ICE1: variants seen among roughly 807,000 people sequenced by gnomAD.
ICE1 encodes the protein little elongation complex subunit 1.
Under a neutral mutation model 192.7 loss-of-function variants are expected in ICE1, and 64 were observed. That is an observed-to-expected ratio of 0.33 (90% CI 0.27 to 0.41). The LOEUF (loss-of-function observed/expected upper bound fraction) is 0.41, where lower values mean the gene tolerates loss of function less well. Among genes scored for constraint, ICE1 ranks in the 10% least tolerant of loss-of-function variants. The pLI is 1.00. For synonymous variants in ICE1, 1,010 were observed against 984.5 expected (o/e 1.03, Z -0.49); for missense variants, 2,708 against 2,696.0 (o/e 1.00, Z -0.10).
chr5:5,456,588 T>A (rs1305074441), intron 11 of ICE1, among the ~76,000 whole-genome samples: 1 of 152,206 alleles, frequency 6.6e-6, no homozygotes, highest in Admixed American at 6.5e-5. Flanking sequence ...TACTCCATTT[T>A]TTTTTGAGTT....
At chr5:5,483,084 A>T (rs995725834) in intron 17 of ICE1, among the ~76,000 whole-genome samples, 1 of 151,994 alleles carries the variant, frequency 6.6e-6, no homozygotes, top group Non-Finnish European at 1.5e-5. Flanking sequence ...TCCACCTCCC[A>T]GGTTCAAGCG....
intron 1 of ICE1, among the ~76,000 whole-genome samples, chr5:5,424,541 C>T (rs767395412): frequency 3.9e-5 from 6 of 152,244 alleles, no homozygotes; most frequent in Admixed American, 2.0e-4. Context: ...GACAAAAATT[C>T]TTGATCTCTT....
intron 1 of ICE1, among the ~76,000 whole-genome samples, chr5:5,427,300 A>C (rs1260505878): frequency 6.6e-6 from 1 of 152,212 alleles, no homozygotes; most frequent in Non-Finnish European, 1.5e-5. Context: ...GAACTTTGGC[A>C]GTCAGATATA....
rs1034054340 is a variant in ICE1 at position 5,428,367 on chromosome 5, C to T, written c.84+5368C>T. Among the ~76,000 whole-genome samples, 8 of 152,260 alleles carry T rather than the reference C, an allele frequency of 5.3e-5. No individual in the cohort carries two copies. In the East Asian group the frequency reaches 1.5e-3, roughly 29 times the overall value. On this transcript the variant is annotated intron_variant, in intron 1 of 18. Transcript: ENST00000296564. ...AAGAGCAGTTAGTAAACAGCAAGCA[C>T]ACCAGGAATAAGTGGTTTATCAGAG...
rs1738775362 is a variant in ICE1, at chr5:5,461,423, A to G, written c.2089A>G (p.Asn697Asp). ...GCCACCGGAGTGTTCTATAGGAGGA[A>G]ACAACTTGGAGAATAGCTTGTGTGC... ...SEPPECSIGG[N>D]NLENSLCALS... Residue 697 changes from asparagine (N) to aspartate (D), a missense_variant, in exon 13 of 19, where the codon AAC becomes GAC. Coordinates refer to ENST00000296564, the MANE Select transcript of ICE1 (RefSeq NM_015325.3). 3.7e-6 allele frequency: 6 copies of G among 1,614,020 alleles called. No individual in the cohort carries two copies. Among genetic ancestry groups the G allele is most frequent in the Middle Eastern group, 1.6e-4 (1 of 6,062 alleles).
At chr5:5,445,789 G>A (rs942263512) in intron 7 of ICE1, among the ~76,000 whole-genome samples, 1 of 151,722 alleles carries the variant, frequency 6.6e-6, no homozygotes, top group Admixed American at 6.6e-5. Flanking sequence ...CTGGAGTGCA[G>A]TGGCGTGATC....
intron 17 of ICE1, among the ~76,000 whole-genome samples, chr5:5,483,293 G>T (rs1371829831): frequency 6.6e-6 from 1 of 152,116 alleles, no homozygotes; most frequent in African/African-American, 2.4e-5. Context: ...ACCATGCCCG[G>T]CCACTGTCTA....
chr5:5,468,683 C>A, intron 14 of ICE1, 145 bp from the exon 15 acceptor site: 1 of 476,726 alleles, frequency 2.1e-6, no homozygotes, highest in Non-Finnish European at 3.6e-6. Context: ...GTGACTGGAG[C>A]CTCATCTGGG....
intron 12 of ICE1, among the ~76,000 whole-genome samples, chr5:5,458,834 A>C (rs1376640007): frequency 1.3e-5 from 2 of 152,194 alleles, no homozygotes; most frequent in African/African-American, 4.8e-5. Context: ...AGACAAGACC[A>C]CAGGCAGGGT....
rs993126874 is a variant in ICE1 at position 5,447,888 on chromosome 5, A to G, written c.595A>G (p.Ile199Val). 12 of 1,569,694 alleles carry G rather than the reference A, an allele frequency of 7.6e-6. No homozygotes were observed. Among genetic ancestry groups the G allele is most frequent in the South Asian group, 1.2e-5 (1 of 85,860 alleles). ...AATTTCAAGTGATTCATATGGAAGC[A>G]TAGATAAAAGTGAGTATATTGCAAC... Reference protein sequence around the residue: ...TQISSDSYGSIDKRKVKLLLK... With the variant: ...TQISSDSYGSVDKRKVKLLLK... The change falls in exon 10 of 19, where the codon ATA (isoleucine) becomes GTA (valine). Residue 199 changes from isoleucine to valine, a missense_variant. Physicochemically the swap from Ile to Val is conservative, Grantham distance 29. This residue lies in a region of ICE1 where 2,366 missense variants were observed against 2,276.6 expected (regional missense o/e 1.04). Transcript: ENST00000296564.
Position 5,447,524 on chromosome 5 carries a change from C to A in ICE1, c.507+15C>A. On this transcript the variant is annotated intron_variant, in intron 8 of 18. Coordinates refer to ENST00000296564, the MANE Select transcript of ICE1 (RefSeq NM_015325.3). ...AGAAGACACAGGTACTAGATAAAAG[C>A]AGCATACACACACCTTAAATACGTG... The A allele has an allele frequency of 6.6e-7, 1 of 1,524,750 alleles. No homozygotes were observed. The highest frequency in any genetic ancestry group is 8.9e-7 in the Non-Finnish European group (1 of 1,123,568). 94.5% of individuals were successfully genotyped at this position (1,524,750 alleles called of 1,614,324 possible).
intron 17 of ICE1, among the ~76,000 whole-genome samples, chr5:5,476,834 A>G (rs1739329075): frequency 6.6e-6 from 1 of 152,112 alleles, no homozygotes; most frequent in Non-Finnish European, 1.5e-5. Flanking sequence ...TGTATCGAGG[A>G]TATCTTCACA....
intron 17 of ICE1, among the ~76,000 whole-genome samples, chr5:5,480,249 C>CTTTTTTT (rs574170460): frequency 5.7e-4 from 74 of 129,850 alleles, no homozygotes; most frequent in East Asian, 2.8e-3. Context: ...TTTTCTTTTT[C>CTTTTTTT]TTTTTTTTTT....
In ICE1 at chr5:5,463,022, G is replaced by A. The variant is rs1420976943; in HGVS notation, c.3688G>A (p.Gly1230Arg). ...RKQPCEEETLGTCEEWIESEE... is the reference protein window; with the variant it reads ...RKQPCEEETLRTCEEWIESEE... ...GCAACCCTGTGAGGAAGAAACACTTGGAACCTGTGAAGAGTGGATTGAATC... is the reference window on the plus strand; with the variant it reads ...GCAACCCTGTGAGGAAGAAACACTTAGAACCTGTGAAGAGTGGATTGAATC... Residue 1230 changes from glycine to arginine, a missense_variant, in exon 13 of 19, where the codon GGA (glycine) becomes AGA (arginine). Around this residue, in one of 2 missense-constraint regions of ICE1, gnomAD observed 2,366 missense variants for 2,276.6 expected, o/e 1.04. Coordinates refer to ENST00000296564, the MANE Select transcript of ICE1 (RefSeq NM_015325.3). The A allele has an allele frequency of 6.2e-7, 1 of 1,613,838 alleles. No homozygotes were observed. Among genetic ancestry groups the A allele is most frequent in the Non-Finnish European group, 8.5e-7 (1 of 1,179,858 alleles).
At position 5,461,253 on chromosome 5, in the gene ICE1, C is replaced by A; in HGVS notation, c.1919C>A (p.Ser640Tyr). 6.2e-7 allele frequency: 1 copy of A among 1,613,970 alleles called. No homozygotes were observed. The highest frequency in any genetic ancestry group is 1.6e-4 in the Middle Eastern group (1 of 6,062). ...TCCTCTTCTACCTTGGTAGCATTGT[C>A]TGTTGGCAGTAATCCCCAGTCTTCT... ...FSSSSTLVAL[S>Y]VGSNPQSSSG... The change falls in exon 13 of 19, where the codon TCT becomes TAT. Residue 640 changes from serine to tyrosine, a missense_variant. This residue lies in a region of ICE1 where 2,366 missense variants were observed against 2,276.6 expected (regional missense o/e 1.04). Transcript: ENST00000296564.
intron 1 of ICE1, among the ~76,000 whole-genome samples, chr5:5,430,749 A>T (rs1443113638): frequency 6.6e-6 from 1 of 152,176 alleles, no homozygotes; most frequent in East Asian, 1.9e-4. Flanking sequence ...TGTTCAGTAT[A>T]GTTATGATTT....
At position 5,464,995 on chromosome 5, in the gene ICE1, A is replaced by C. The variant is rs1004085216; in HGVS notation, c.5661A>C (p.Arg1887Ser). ...AAGTTGCAACAACAAATGAGGAAAGAAGTTGTTCTAGTCCAGCCGTCAGTG... is the reference window on the plus strand; with the variant it reads ...AAGTTGCAACAACAAATGAGGAAAGCAGTTGTTCTAGTCCAGCCGTCAGTG... ...PAEVATTNEE[R>S]SCSSPAVSAV... The change falls in exon 13 of 19, where the codon AGA becomes AGC. Residue 1887 changes from arginine to serine, a missense_variant. Around this residue, in one of 2 missense-constraint regions of ICE1, gnomAD observed 2,366 missense variants for 2,276.6 expected, o/e 1.04. Transcript: ENST00000296564. The surrounding 1 kb of genome is among the most constrained non-coding windows in gnomAD (Gnocchi z 4.0). The C allele has an allele frequency of 6.2e-7, 1 of 1,613,924 alleles. No individual in the cohort carries two copies. Among genetic ancestry groups the C allele is most frequent in the African/African-American group, 1.3e-5 (1 of 75,050 alleles).
chr5:5,466,648 A>G (rs1738994720), intron 14 of ICE1, 146 bp downstream of exon 14: 1 of 675,282 alleles, frequency 1.5e-6, no homozygotes, highest in African/African-American at 1.8e-5. Flanking sequence ...AGCTATACCC[A>G]GCTGCACCTG....
chr5:5,460,766 A>G lies in ICE1; in HGVS notation c.1432A>G (p.Ile478Val). 1 of 1,614,054 alleles carries G rather than the reference A, an allele frequency of 6.2e-7. No homozygotes were observed. Among genetic ancestry groups the G allele is most frequent in the Middle Eastern group, 1.6e-4 (1 of 6,062 alleles). Residue 478 changes from isoleucine (I) to valine (V), a missense_variant, in exon 13 of 19, where the codon ATT becomes GTT. Around this residue, in one of 2 missense-constraint regions of ICE1, gnomAD observed 2,366 missense variants for 2,276.6 expected, o/e 1.04. Coordinates refer to ENST00000296564, the MANE Select transcript of ICE1 (RefSeq NM_015325.3). ...ATCCATGAGTGATAGAAAAAGAGAC[A>G]TTTTACATGAGACAAAAACACAAAT... ...SRSMSDRKRD[I>V]LHETKTQMEV... is the part of the protein sequence containing the mutation.
Sources: gnomAD v4.1 joint callset for allele counts (sites outside exome capture counted in the v4.1 genomes callset) on GRCh38, gnomAD v4.1.1 for gene constraint, gnomAD v4.1.1 regional missense constraint, Gnocchi (gnomAD v3.1) non-coding constraint, MANE v1.5 for transcripts, NCBI Gene and HGNC (gene_info 2026-07-23, HGNC 2026-07-21) for gene names.